The following MYO18B variants were observed in gnomAD, a reference collection of about 807,000 sequenced individuals.
MYO18B encodes myosin XVIIIB.
A neutral mutation model predicts 273.0 loss-of-function variants in MYO18B; 204 were observed. The ratio of observed to expected loss-of-function variants is 0.75; its 90% CI spans 0.67 to 0.84. The LOEUF is 0.84. Among genes scored for constraint, MYO18B ranks in the 40% least tolerant of loss-of-function variants. The probability of loss-of-function intolerance (pLI) is 0.00; values close to 1 mark genes in which losing one functional copy is unlikely to be tolerated. For synonymous variants in MYO18B, 1,330 were observed against 1,305.7 expected (o/e 1.02, Z -0.40); for missense variants, 3,212 against 3,287.6 (o/e 0.98, Z 0.56).
rs1192870533 is a variant in MYO18B at position 25,890,661 on chromosome 22, A to C, written c.4315-95A>C. On this transcript the variant is annotated intron_variant, in intron 25 of 43. Transcript: ENST00000335473. Reference sequence around the variant, plus strand: ...TACTCAAGGGTTGCTTTCCCATGATAGTGATTTGTCCAAAGGCGATCCTGT... The same window carrying C: ...TACTCAAGGGTTGCTTTCCCATGATCGTGATTTGTCCAAAGGCGATCCTGT... 3 of 1,505,334 alleles carry C rather than the reference A, an allele frequency of 2.0e-6. No individual in the cohort carries two copies. The East Asian group carries it at 7.2e-5, about 36-fold the overall frequency. The allele number at this position is 1,505,334 out of a possible 1,614,324, so 93.2% of individuals were successfully genotyped here. A position where few individuals can be genotyped will look rare whatever the true frequency, so the allele number is the denominator to read the frequency against.
chr22:25,883,570 C>T lies in MYO18B; in HGVS notation c.4314+5522C>T, dbSNP rs1161238097. On this transcript the variant is annotated intron_variant, in intron 25 of 43. Coordinates refer to ENST00000335473, the MANE Select transcript of MYO18B (RefSeq NM_032608.7). The surrounding 1 kb of genome is among the most constrained non-coding windows in gnomAD (Gnocchi z 7.6). The stretch of plus-strand genomic sequence containing the variant: ...CCAGAGAACAGCTAGAAGATATCTT[C>T]TTCCATGTGCATCTGCTTCCTTGGA... The T allele has an allele frequency of 6.6e-6, 1 of 152,242 alleles. No individual in the cohort carries two copies. Among genetic ancestry groups the T allele is most frequent in the Non-Finnish European group, 1.5e-5 (1 of 68,062 alleles). 9.4% of individuals were successfully genotyped at this position (152,242 alleles called of 1,614,324 possible).
intron 13 of MYO18B, among the ~76,000 whole-genome samples, chr22:25,825,779 G>A (rs1460817196): frequency 2.0e-5 from 3 of 152,158 alleles, no homozygotes; most frequent in African/African-American, 7.2e-5. Context: ...GGAAGAACCT[G>A]TGTCCCCAGA....
chr22:25,987,842 T>C (rs556499390), intron 39 of MYO18B, among the ~76,000 whole-genome samples: 1 of 152,334 alleles, frequency 6.6e-6, no homozygotes, highest in African/African-American at 2.4e-5. Context: ...TGTACACCAT[T>C]ATATTGTAGT....
intron 41 of MYO18B, among the ~76,000 whole-genome samples, chr22:26,003,867 T>C (rs1331313187): frequency 1.3e-5 from 2 of 151,978 alleles, no homozygotes; most frequent in East Asian, 1.9e-4. Flanking sequence ...GCACAGAGGG[T>C]AGGTTTTATT....
chr22:25,758,352 T>C (rs1323956041), intron 1 of MYO18B, among the ~76,000 whole-genome samples: 1 of 150,682 alleles, frequency 6.6e-6, no homozygotes, highest in African/African-American at 2.4e-5. Flanking sequence ...CATAAAATTA[T>C]TATACTACCC....
chr22:26,023,771 G>C (rs1936024056), intron 42 of MYO18B, among the ~76,000 whole-genome samples: 1 of 152,186 alleles, frequency 6.6e-6, no homozygotes, highest in African/African-American at 2.4e-5. Context: ...TGTCAGTTCT[G>C]CGGCAGCCCA....
At chr22:25,969,727 T>C (rs2093016350) in intron 39 of MYO18B, among the ~76,000 whole-genome samples, 1 of 152,216 alleles carries the variant, frequency 6.6e-6, no homozygotes, top group Non-Finnish European at 1.5e-5. Flanking sequence ...GAGACTTAGA[T>C]GCAAATCTCA....
chr22:26,059,814 T>G, the MYO18B span, among the ~76,000 whole-genome samples: 1 of 152,198 alleles, frequency 6.6e-6, no homozygotes, highest in Non-Finnish European at 1.5e-5. Flanking sequence ...TTGTTCACAT[T>G]TCCCTTGTGC....
In MYO18B at chr22:25,923,789, C is replaced by A. The variant is rs562745394; in HGVS notation, c.5517+2380C>A. On this transcript the variant is annotated intron_variant, in intron 34 of 43. Coordinates refer to ENST00000335473, the MANE Select transcript of MYO18B (RefSeq NM_032608.7). ...TGCCCATTTTCCATCAAAATGTCCC[C>A]AGTGCCACAGCACCCAAGCTTCCCT... Among the ~76,000 whole-genome samples the A allele has an allele frequency of 5.8e-4, 88 of 152,336 alleles. No individual in the cohort carries two copies. The South Asian group carries it at 0.018, about 31-fold the overall frequency.
intron 27 of MYO18B, among the ~76,000 whole-genome samples, chr22:25,894,424 A>G (rs1223970658): frequency 1.3e-5 from 2 of 152,208 alleles, no homozygotes; most frequent in African/African-American, 2.4e-5. Context: ...AATGGGCATT[A>G]TTCTATTATT....
chr22:25,868,399 C>G lies in MYO18B; in HGVS notation c.3951+14C>G. On this transcript the variant is annotated intron_variant, in intron 22 of 43. Transcript: ENST00000335473. Reference sequence around the variant, plus strand: ...GGGCACAGCCAAGTGAGTAGAGCTGCTTTCTTACAACATTCGCCCATCACA... The same window carrying G: ...GGGCACAGCCAAGTGAGTAGAGCTGGTTTCTTACAACATTCGCCCATCACA... 1.3e-6 allele frequency: 2 copies of G among 1,582,200 alleles called. No individual in the cohort carries two copies. Among genetic ancestry groups the G allele is most frequent in the Non-Finnish European group, 1.7e-6 (2 of 1,163,318 alleles).
chr22:25,805,710 C>T (rs547650319), intron 12 of MYO18B, among the ~76,000 whole-genome samples: 1 of 152,350 alleles, frequency 6.6e-6, no homozygotes, highest in Admixed American at 6.5e-5. Context: ...TCCCTGCCCA[C>T]CTCTCCAGCC....
At chr22:25,751,898 C>A (rs570328314) in intron 1 of MYO18B, among the ~76,000 whole-genome samples, 6 of 152,274 alleles carry the variant, frequency 3.9e-5, no homozygotes, top group East Asian at 1.9e-4. Context: ...AAGTGAAAAT[C>A]TGATTGAGAG....
chr22:25,832,193 T>C (rs759665999), intron 15 of MYO18B, among the ~76,000 whole-genome samples: 3 of 152,194 alleles, frequency 2.0e-5, no homozygotes, highest in Non-Finnish European at 4.4e-5. Flanking sequence ...GAAAACAGAA[T>C]GGTGGACCTC....
At chr22:25,973,023 A>G (rs1264560720) in intron 39 of MYO18B, among the ~76,000 whole-genome samples, 1 of 151,106 alleles carries the variant, frequency 6.6e-6, no homozygotes, top group Non-Finnish European at 1.5e-5. Context: ...ACAATCCACT[A>G]CACAATTTAG....
At position 25,768,441 on chromosome 22, in the gene MYO18B, C is replaced by T. The variant is rs575271363; in HGVS notation, c.525C>T (p.Ala175=). ...AKPEKTHPHD[A]PPCKTSPPAT... Reference sequence around the variant, plus strand: ...CAGAGAAGACTCATCCCCATGACGCCCCCCCTTGCAAGACCTCTCCCCCCG... The same window carrying T: ...CAGAGAAGACTCATCCCCATGACGCTCCCCCTTGCAAGACCTCTCCCCCCG... The change falls in exon 4 of 44, where the codon GCC becomes GCT. Residue 175 remains alanine (A), a synonymous_variant. Coordinates refer to ENST00000335473, the MANE Select transcript of MYO18B (RefSeq NM_032608.7). 15 of 1,366,304 alleles carry T rather than the reference C, an allele frequency of 1.1e-5. No homozygotes were observed. The African/African-American group carries it at 1.4e-4, about 13-fold the overall frequency. The allele number at this position is 1,366,304 out of a possible 1,614,324, so 84.6% of individuals were successfully genotyped here. A position where few individuals can be genotyped will look rare whatever the true frequency, so the allele number is the denominator to read the frequency against.
chr22:25,805,043 G>A (rs781333250), intron 12 of MYO18B, among the ~76,000 whole-genome samples: 1 of 152,158 alleles, frequency 6.6e-6, no homozygotes, highest in Admixed American at 6.5e-5. Context: ...TGGAGGTCAA[G>A]TATGGCCTCC....
At chr22:25,798,159 A>G (rs1355346639) in intron 12 of MYO18B, 62 bp downstream of exon 12, 15 of 1,517,962 alleles carry the variant, frequency 9.9e-6, no homozygotes, top group Non-Finnish European at 1.3e-5. Context: ...GGTGCCTGAC[A>G]AGGCCCTTCT....
At chr22:25,757,328 C>T (rs1568972588) in intron 1 of MYO18B, among the ~76,000 whole-genome samples, 1 of 152,162 alleles carries the variant, frequency 6.6e-6, no homozygotes. Context: ...AGGCCAGGTG[C>T]AGTGGCTCAC....
Sources: gnomAD v4.1 joint callset for allele counts (sites outside exome capture counted in the v4.1 genomes callset) on GRCh38, gnomAD v4.1.1 for gene constraint, Gnocchi (gnomAD v3.1) non-coding constraint, MANE v1.5 for transcripts, NCBI Gene and HGNC (gene_info 2026-07-23, HGNC 2026-07-21) for gene names.